MDGA2: variants seen among roughly 807,000 people sequenced by gnomAD.
The protein encoded by MDGA2 is MAM domain containing glycosylphosphatidylinositol anchor 2.
In MDGA2, 40 loss-of-function variants were observed where a neutral mutation model predicts 117.8. The ratio of observed to expected loss-of-function variants is 0.34; its 90% CI spans 0.26 to 0.44. The LOEUF (loss-of-function observed/expected upper bound fraction) is 0.44, where lower values mean the gene tolerates loss of function less well. Among genes scored for constraint, MDGA2 ranks in the 20% least tolerant of loss-of-function variants. The probability of loss-of-function intolerance (pLI) is 1.00; values close to 1 mark genes in which losing one functional copy is unlikely to be tolerated. For missense variants in MDGA2, 1,123 were observed against 1,250.6 expected (o/e 0.90, Z 1.54); for synonymous variants, 452 against 439.0 (o/e 1.03, Z -0.37).
chr14:47,224,294 T>TAGATATAGATATAGATATAGATAC (rs1566688899), intron 2 of MDGA2, among the ~76,000 whole-genome samples: 10 of 150,042 alleles, frequency 6.7e-5, no homozygotes, highest in South Asian at 2.1e-4. Flanking sequence ...GATATAGATA[T>TAGATATAGATATAGATATAGATAC]AGATATAGAT....
At chr14:47,076,774 A>G (rs1031285788) in intron 6 of MDGA2, among the ~76,000 whole-genome samples, 6 of 152,132 alleles carry the variant, frequency 3.9e-5, no homozygotes, top group African/African-American at 1.2e-4. Flanking sequence ...TCAGAAGATT[A>G]TATCAGAATT....
At chr14:47,346,167 T>C (rs1890758567) in intron 1 of MDGA2, among the ~76,000 whole-genome samples, 1 of 152,148 alleles carries the variant, frequency 6.6e-6, no homozygotes, top group African/African-American at 2.4e-5. Flanking sequence ...ATCACTATTA[T>C]ATGTATTGAA....
At chr14:46,980,739 T>C (rs1202980063) in intron 8 of MDGA2, among the ~76,000 whole-genome samples, 1 of 152,150 alleles carries the variant, frequency 6.6e-6, no homozygotes, top group Non-Finnish European at 1.5e-5. Flanking sequence ...CCAGCAAAAA[T>C]ACTATGACTC....
At chr14:47,205,182 TCTCC>T (rs1397428363) in intron 3 of MDGA2, among the ~76,000 whole-genome samples, 1 of 151,900 alleles carries the variant, frequency 6.6e-6, no homozygotes, top group African/African-American at 2.4e-5. Flanking sequence ...GTAGCCCCAT[TCTCC>T]CTGTCAGAAA....
intron 14 of MDGA2, among the ~76,000 whole-genome samples, chr14:46,863,509 A>T (rs1017487109): frequency 6.6e-6 from 1 of 152,172 alleles, no homozygotes; most frequent in Non-Finnish European, 1.5e-5. Flanking sequence ...CATTGTAATA[A>T]ATCCTTAATG....
chr14:47,101,901 TA>T (rs1211161254), intron 5 of MDGA2, among the ~76,000 whole-genome samples: 2 of 152,174 alleles, frequency 1.3e-5, no homozygotes, highest in Non-Finnish European at 2.9e-5. Flanking sequence ...TCATGCCCAC[TA>T]AAAATTATAG....
At chr14:46,887,193 C>T (rs889620479) in intron 10 of MDGA2, among the ~76,000 whole-genome samples, 7 of 152,034 alleles carry the variant, frequency 4.6e-5, no homozygotes, top group African/African-American at 1.7e-4. Context: ...ATCTATTAGT[C>T]TTTACCATGT....
intron 1 of MDGA2, among the ~76,000 whole-genome samples, chr14:47,515,236 G>T (rs1279935063): frequency 6.6e-6 from 1 of 152,124 alleles, no homozygotes; most frequent in Non-Finnish European, 1.5e-5. Flanking sequence ...TGATTATAAA[G>T]ATGATGCCAC....
At chr14:46,873,048 A>G (rs1367154657) in intron 14 of MDGA2, among the ~76,000 whole-genome samples, 1 of 152,000 alleles carries the variant, frequency 6.6e-6, no homozygotes, top group East Asian at 1.9e-4. Context: ...AATAACTGTC[A>G]ATATAGCAAC....
rs550902165 is a variant in MDGA2 at position 47,262,642 on chromosome 14, G to T, written c.420+38769C>A. Among the ~76,000 whole-genome samples, 8 of 152,280 alleles carry T rather than the reference G, an allele frequency of 5.3e-5. No homozygotes were observed. In the East Asian group the frequency reaches 1.5e-3, roughly 29 times the overall value. On this transcript the variant is annotated intron_variant, in intron 2 of 16. Transcript: ENST00000399232. ...GAAGAATAGAAGTTCAATAGGGAAA[G>T]TTTTGAGCAAAGTACAGTCAAAAGA...
intron 2 of MDGA2, among the ~76,000 whole-genome samples, chr14:47,249,422 A>C (rs1356468441): frequency 1.3e-5 from 2 of 152,068 alleles, no homozygotes; most frequent in Non-Finnish European, 2.9e-5. Context: ...CTGGCACTCA[A>C]GCAATCCTCC....
chr14:47,092,074 G>A (rs1204874140), intron 6 of MDGA2, among the ~76,000 whole-genome samples: 2 of 152,146 alleles, frequency 1.3e-5, no homozygotes, highest in African/African-American at 2.4e-5. Context: ...AATATAGCAG[G>A]TGAATTTCTA....
intron 4 of MDGA2, among the ~76,000 whole-genome samples, chr14:47,140,481 C>T (rs534214679): frequency 2.0e-4 from 31 of 152,074 alleles, no homozygotes; most frequent in East Asian, 1.9e-3. Flanking sequence ...TAAAAATAGA[C>T]ATAGAGACCA....
In MDGA2 at chr14:47,273,408, G is replaced by C. The variant is rs141562162; in HGVS notation, c.420+28003C>G. On this transcript the variant is annotated intron_variant, in intron 2 of 16. Transcript: ENST00000399232. The stretch of plus-strand genomic sequence containing the variant: ...AGTATACTGAGGCAAGGAAAAGTCA[G>C]AGCAAACTCACAATGTTTGAAAAGC... 9.9e-5 allele frequency among the ~76,000 whole-genome samples: 15 copies of C among 152,232 alleles called. No individual in the cohort carries two copies. The East Asian group carries it at 2.9e-3, about 29-fold the overall frequency.
chr14:46,958,052 A>G (rs1205060818), intron 8 of MDGA2, among the ~76,000 whole-genome samples: 1 of 152,070 alleles, frequency 6.6e-6, no homozygotes, highest in Non-Finnish European at 1.5e-5. Flanking sequence ...CATTTACTTC[A>G]TGGTCTGATA....
chr14:46,891,171 T>C (rs991075841), intron 10 of MDGA2, among the ~76,000 whole-genome samples: 1 of 151,992 alleles, frequency 6.6e-6, no homozygotes, highest in Non-Finnish European at 1.5e-5. Context: ...TAGCCAATAT[T>C]TATTGAGTGA....
At chr14:47,062,188 T>G (rs569760495) in intron 6 of MDGA2, among the ~76,000 whole-genome samples, 1 of 152,228 alleles carries the variant, frequency 6.6e-6, no homozygotes, top group South Asian at 2.1e-4. Context: ...ACATTTACTA[T>G]GAACTTTTCT....
intron 9 of MDGA2, among the ~76,000 whole-genome samples, chr14:46,953,393 T>C (rs1595065552): frequency 1.3e-5 from 2 of 151,980 alleles, no homozygotes; most frequent in South Asian, 4.1e-4. Context: ...AATTCCTAAA[T>C]ATTTTACAAC....
intron 1 of MDGA2, among the ~76,000 whole-genome samples, chr14:47,577,826 T>G (rs1896144342): frequency 6.6e-6 from 1 of 152,202 alleles, no homozygotes; most frequent in Non-Finnish European, 1.5e-5. Context: ...TTGGTAGGAA[T>G]GTAAATTAGT....
Sources: gnomAD v4.1 joint callset for allele counts (sites outside exome capture counted in the v4.1 genomes callset) on GRCh38, gnomAD v4.1.1 for gene constraint, MANE v1.5 for transcripts, NCBI Gene and HGNC (gene_info 2026-07-23, HGNC 2026-07-21) for gene names.